MPP1: variants seen among roughly 807,000 people sequenced by gnomAD.
MPP1 encodes the protein 55 kDa erythrocyte membrane protein.
A neutral mutation model predicts 38.2 loss-of-function variants in MPP1; 6 were observed. The ratio of observed to expected loss-of-function variants is 0.16; its 90% CI spans 0.09 to 0.31. The LOEUF (loss-of-function observed/expected upper bound fraction) is 0.31. Among genes scored for constraint, MPP1 ranks in the 10% least tolerant of loss-of-function variants. MPP1 has a pLI of 1.00. For synonymous variants in MPP1, 153 were observed against 146.3 expected, an observed-to-expected ratio of 1.05 and a Z score of -0.33; for missense variants, 293 against 368.9, an observed-to-expected ratio of 0.79 and a Z score of 1.69.
intron 3 of MPP1, chrX:154,791,336 AT>A: frequency 2.8e-6 from 1 of 361,392 alleles, no homozygotes; most frequent in Non-Finnish European, 4.8e-6. Context: ...TATGACACAG[AT>A]GTATACACTA....
At position 154,788,915 on chromosome X, in the gene MPP1, G is replaced by A. The variant is rs73641112; in HGVS notation, c.480+1039C>T. ...GATTCCCATAAACATAATACTGAGC[G>A]AATAAAATAAGACACCAAAGAATTC... On this transcript the variant is annotated intron_variant, in intron 5 of 11. Transcript: ENST00000369534. Among the ~76,000 whole-genome samples the A allele has an allele frequency of 6.0e-3, 670 of 111,632 alleles. 7 individuals are homozygous for A. The highest frequency in any genetic ancestry group is 0.021 in the African/African-American group (638 of 30,678).
chrX:154,783,663 A>T (rs2148525501), intron 8 of MPP1, 156 bp from the exon 9 acceptor site: 1 of 458,765 alleles, frequency 2.2e-6, no homozygotes, highest in South Asian at 3.4e-5. Flanking sequence ...GAAGGTGAGC[A>T]GTCCGCCAGA....
At chrX:154,781,342 A>T in intron 10 of MPP1, 29 bp from the exon 11 acceptor site, 102 of 898,756 alleles carry the variant, frequency 1.1e-4, no homozygotes, top group South Asian at 1.7e-4. Context: ...GGCGGCGGGG[A>T]GGGGGGGGAA....
At position 154,785,187 on chromosome X, in the gene MPP1, C is replaced by A. The variant is rs182793073; in HGVS notation, c.678-30G>T. The stretch of plus-strand genomic sequence containing the variant: ...TAGGAAAAGACAATCAAGGGGTCAG[C>A]TTTCCTCCCCCTCCCCTCATACCCC... On this transcript the variant is annotated intron_variant, in intron 6 of 11. Transcript: ENST00000369534. 223 of 1,076,349 alleles carry A rather than the reference C, an allele frequency of 2.1e-4. No individual in the cohort carries two copies. In the African/African-American group the frequency reaches 3.5e-3, roughly 17 times the overall value. 88.7% of individuals were successfully genotyped at this position (1,076,349 alleles called of 1,213,427 possible). A position where few individuals can be genotyped will look rare whatever the true frequency, so the allele number is the denominator to read the frequency against.
chrX:154,781,344 G>A lies in MPP1; in HGVS notation c.1150-31C>T, dbSNP rs112609368. On this transcript the variant is annotated intron_variant, in intron 10 of 11. Transcript: ENST00000369534. ...AAAAAAAAAGAAGGGCGGCGGGGAGGGGGGGGAAGGAAGAAAAGGAAAGTG... is the reference window on the plus strand; with the variant it reads ...AAAAAAAAAGAAGGGCGGCGGGGAGAGGGGGGAAGGAAGAAAAGGAAAGTG... 72 of 956,118 alleles carry A rather than the reference G, an allele frequency of 7.5e-5. No individual in the cohort carries two copies. In the African/African-American group the frequency reaches 1.1e-3, roughly 15 times the overall value. 78.8% of individuals were successfully genotyped at this position (956,118 alleles called of 1,213,427 possible). A position where few individuals can be genotyped will look rare whatever the true frequency, so the allele number is the denominator to read the frequency against.
intron 3 of MPP1, 82 bp from the exon 4 acceptor site, chrX:154,791,150 G>A: frequency 2.5e-6 from 2 of 787,495 alleles, no homozygotes; most frequent in Non-Finnish European, 1.9e-6. Context: ...TACCATAGAA[G>A]AGAAACCAGG....
At chrX:154,798,516 A>C (rs782591314) in intron 1 of MPP1, among the ~76,000 whole-genome samples, 2 of 112,370 alleles carry the variant, frequency 1.8e-5, no homozygotes, top group African/African-American at 6.5e-5. Flanking sequence ...AATCTATTTC[A>C]AAACATCACA....
Position 154,805,403 on chromosome X carries a change from G to A in MPP1, c.-30C>T. On this transcript the variant is annotated 5_prime_UTR_variant, in exon 1 of 12. Transcript: ENST00000369534. ...CAGAAGCTGGAACACTGGAACGCAA[G>A]ACAGGGCAGCGCTGGGAATGACAGG... The A allele has an allele frequency of 8.7e-6, 10 of 1,154,989 alleles. No homozygotes were observed. Among genetic ancestry groups the A allele is most frequent in the Non-Finnish European group, 1.2e-5 (10 of 856,601 alleles).
chrX:154,781,972 C>T (rs2072012894), intron 9 of MPP1, 170 bp from the exon 10 acceptor site: 6 of 432,338 alleles, frequency 1.4e-5, no homozygotes, highest in Non-Finnish European at 2.4e-5. Context: ...TGATGCACAC[C>T]AGGAAATCCC....
rs1229571207 is a variant in MPP1, at chrX:154,786,096, G to C, written c.677+108C>G. 6 of 748,076 alleles carry C rather than the reference G, an allele frequency of 8.0e-6. No individual in the cohort carries two copies. The African/African-American group carries it at 1.3e-4, about 16-fold the overall frequency. 61.6% of individuals were successfully genotyped at this position (748,076 alleles called of 1,213,427 possible). A position where few individuals can be genotyped will look rare whatever the true frequency, so the allele number is the denominator to read the frequency against. On this transcript the variant is annotated intron_variant, in intron 6 of 11. Transcript: ENST00000369534. Reference sequence around the variant, plus strand: ...ACCCATTATGCCAGGAAATCTAGGAGGTCTCCTTGGTTGAGAAACAGAAAC... The same window carrying C: ...ACCCATTATGCCAGGAAATCTAGGACGTCTCCTTGGTTGAGAAACAGAAAC...
At chrX:154,782,160 G>A (rs1468853132) in intron 9 of MPP1, 1 of 170,994 alleles carries the variant, frequency 5.8e-6, no homozygotes, top group Admixed American at 7.4e-5. Flanking sequence ...CTATGGTCAG[G>A]ATTTCTTGGA....
chrX:154,789,406 TTCTA>T (rs1194991254), intron 5 of MPP1, among the ~76,000 whole-genome samples: 2 of 111,894 alleles, frequency 1.8e-5, no homozygotes, highest in Non-Finnish European at 3.8e-5. Context: ...GCTCAACAGA[TTCTA>T]TCTATCTTTT....
In MPP1 at chrX:154,802,386, G is replaced by C. The variant is rs1456356442; in HGVS notation, c.102+2886C>G. 5.4e-5 allele frequency among the ~76,000 whole-genome samples: 6 copies of C among 111,667 alleles called. No homozygotes were observed. In the Admixed American group the frequency reaches 5.7e-4, roughly 11 times the overall value. On this transcript the variant is annotated intron_variant, in intron 1 of 11. Coordinates refer to ENST00000369534, the MANE Select transcript of MPP1 (RefSeq NM_002436.4). ...ACCAGCGGGGAGTAATGCTGCATGT[G>C]ATGGCCTAAGAACCAAGAAACAGGT...
chrX:154,789,190 A>C (rs1421629095), intron 5 of MPP1, among the ~76,000 whole-genome samples: 1 of 112,323 alleles, frequency 8.9e-6, no homozygotes, highest in African/African-American at 3.2e-5. Context: ...ATACCGTCAC[A>C]CTACAAGTAA....
rs1172201957 is a variant in MPP1 at position 154,792,131 on chromosome X, CG to C, written c.246+10del. Reference sequence around the variant, plus strand: ...GAGTAACTGGTGGGCGACAATATGACGGGGGATTACCATGGGCTCTTCTGTG... The same window carrying C: ...GAGTAACTGGTGGGCGACAATATGACGGGGATTACCATGGGCTCTTCTGTG... On this transcript the variant is annotated intron_variant, in intron 2 of 11. Transcript: ENST00000369534. 1 of 1,205,553 alleles carries C rather than the reference CG, an allele frequency of 8.3e-7. No individual in the cohort carries two copies. The highest frequency in any genetic ancestry group is 1.8e-5 in the African/African-American group (1 of 57,056).
rs782353752 is a variant in MPP1, at chrX:154,783,428, T to C, written c.945A>G (p.Pro315=). ...CCAAGGTGCCTAAGAGCTACTTACATGGGACAGGGTACACAAACTTCTCCG... is the reference window on the plus strand; with the variant it reads ...CCAAGGTGCCTAAGAGCTACTTACACGGGACAGGGTACACAAACTTCTCCG... The part of the protein sequence containing the change: ...QNPEKFVYPV[P]YTTRPPRKSE... Residue 315 remains proline (P), a splice_region_variant and synonymous_variant, in exon 9 of 12, where the codon CCA becomes CCG. Coordinates refer to ENST00000369534, the MANE Select transcript of MPP1 (RefSeq NM_002436.4). 8.3e-7 allele frequency: 1 copy of C among 1,206,650 alleles called. No individual in the cohort carries two copies. The highest frequency in any genetic ancestry group is 1.1e-6 in the Non-Finnish European group (1 of 892,537).
At chrX:154,801,457 T>C (rs1168151551) in intron 1 of MPP1, among the ~76,000 whole-genome samples, 1 of 110,546 alleles carries the variant, frequency 9.0e-6, no homozygotes, top group Non-Finnish European at 1.9e-5. Flanking sequence ...CCTTCCAGTT[T>C]TGAAAAAAAA....
chrX:154,795,806 GGA>G (rs1335102333), intron 1 of MPP1, among the ~76,000 whole-genome samples: 1 of 111,961 alleles, frequency 8.9e-6, no homozygotes, highest in East Asian at 2.8e-4. Flanking sequence ...ATGTCTGGAA[GGA>G]GACATAAGAA....
In MPP1 at chrX:154,799,837, T is replaced by C. The variant is rs2072242230; in HGVS notation, c.102+5435A>G. On this transcript the variant is annotated intron_variant, in intron 1 of 11. Transcript: ENST00000369534. ...CAATGCCTGCCGCTCTGAAAGCCCC[T>C]TCAGAGGAAACATCTGCAGCAGGGT... 4.3e-6 allele frequency: 5 copies of C among 1,163,797 alleles called. No individual in the cohort carries two copies. In the Admixed American group the frequency reaches 1.0e-4, roughly 24 times the overall value.
Sources: gnomAD v4.1 joint callset for allele counts (sites outside exome capture counted in the v4.1 genomes callset) on GRCh38, gnomAD v4.1.1 for gene constraint, MANE v1.5 for transcripts, NCBI Gene and HGNC (gene_info 2026-07-23, HGNC 2026-07-21) for gene names.